EFNA2: variants seen among roughly 807,000 people sequenced by gnomAD.
The protein encoded by EFNA2 is ephrin A2, also known as ephrin-A2.
Under a neutral mutation model 19.7 loss-of-function variants are expected in EFNA2, and 18 were observed. The observed-to-expected ratio is 0.91, with a 90% CI of 0.63 to 1.35. The LOEUF is 1.35. Among genes scored for constraint, EFNA2 ranks in the 40% most tolerant of loss-of-function variants. EFNA2 has a pLI of 0.00. For synonymous variants in EFNA2, 187 were observed against 137.8 expected, an observed-to-expected ratio of 1.36 and a Z score of -2.50; for missense variants, 303 against 296.0, an observed-to-expected ratio of 1.02 and a Z score of -0.17.
rs565629502 is a variant in EFNA2, at chr19:1,287,662, C to A, written c.140+1354C>A. Among the ~76,000 whole-genome samples, 3 of 152,300 alleles carry A rather than the reference C, an allele frequency of 2.0e-5. No homozygotes were observed. The East Asian group carries it at 5.8e-4, about 29-fold the overall frequency. On this transcript the variant is annotated intron_variant, in intron 1 of 3. Transcript: ENST00000215368. The surrounding 1 kb of genome is among the most constrained non-coding windows in gnomAD (Gnocchi z 6.2). The stretch of plus-strand genomic sequence containing the variant: ...GCCCTGGGGGCTGAGGGCAGGGACC[C>A]CGGGCCGCTGGGGGACGGCTGGCCC...
In EFNA2 at chr19:1,295,832, G is replaced by C. The variant is rs1600059954; in HGVS notation, c.428G>C (p.Arg143Pro). 1.2e-6 allele frequency: 2 copies of C among 1,605,854 alleles called. No homozygotes were observed. Among genetic ancestry groups the C allele is most frequent in the Non-Finnish European group, 1.7e-6 (2 of 1,177,804 alleles). The change falls in exon 2 of 4, where the codon CGG becomes CCG. Residue 143 changes from arginine (R) to proline (P), a missense_variant. Physicochemically the swap from Arg to Pro is moderately radical, Grantham distance 103 (BLOSUM62 -2). Transcript: ENST00000215368. This position sits in a 1 kb window ranked among gnomAD's most constrained non-coding sequence, Gnocchi z 5.8. The part of the protein sequence containing the change: ...FTPFSLGFEF[R>P]PGHEYYYISA... Reference sequence around the variant, plus strand: ...CCCTTCTCCCTGGGCTTCGAGTTCCGGCCCGGCCACGAGTATTACTACATC... The same window carrying C: ...CCCTTCTCCCTGGGCTTCGAGTTCCCGCCCGGCCACGAGTATTACTACATC...
rs889548005 is a variant in EFNA2, at chr19:1,286,815, C to T, written c.140+507C>T. On this transcript the variant is annotated intron_variant, in intron 1 of 3. Coordinates refer to ENST00000215368, the MANE Select transcript of EFNA2 (RefSeq NM_001405.4). The surrounding 1 kb of genome is among the most constrained non-coding windows in gnomAD (Gnocchi z 5.6). Reference sequence around the variant, plus strand: ...GATGAACTTGGGGAAGTTGGAGTGTCCCTCCCTCAGGACCCAGCATCTGCT... The same window carrying T: ...GATGAACTTGGGGAAGTTGGAGTGTTCCTCCCTCAGGACCCAGCATCTGCT... Among the ~76,000 whole-genome samples, 23 of 152,210 alleles carry T rather than the reference C, an allele frequency of 1.5e-4. No individual in the cohort carries two copies. Among genetic ancestry groups the T allele is most frequent in the African/African-American group, 5.3e-4 (22 of 41,462 alleles).
chr19:1,285,768 A>T, upstream of EFNA2, among the ~76,000 whole-genome samples: 2 of 144,942 alleles, frequency 1.4e-5, no homozygotes, highest in Non-Finnish European at 3.1e-5. The surrounding 1 kb of genome is among the most constrained non-coding windows in gnomAD (Gnocchi z 4.1). Flanking sequence ...GGGCCGGGGC[A>T]GGGGGCGGGC....
chr19:1,289,992 G>T (rs865920555), intron 1 of EFNA2, among the ~76,000 whole-genome samples: 32 of 152,254 alleles, frequency 2.1e-4, no homozygotes, highest in African/African-American at 7.7e-4. Context: ...GGGGCCTGAG[G>T]GTGGGGTCCT....
chr19:1,295,710 C>T lies in EFNA2; in HGVS notation c.306C>T (p.Cys102=). 1 of 1,608,528 alleles carries T rather than the reference C, an allele frequency of 6.2e-7. No individual in the cohort carries two copies. The highest frequency in any genetic ancestry group is 1.3e-5 in the African/African-American group (1 of 74,730). Reference sequence around the variant, plus strand: ...TCAACGGCGAGGGCCACGCCTCCTGCGACCACCGCCAGCGCGGCTTCAAGC... The same window carrying T: ...TCAACGGCGAGGGCCACGCCTCCTGTGACCACCGCCAGCGCGGCTTCAAGC... ...YMVNGEGHAS[C]DHRQRGFKRW... The change falls in exon 2 of 4, where the codon TGC becomes TGT. Residue 102 remains cysteine (C), a synonymous_variant. Transcript: ENST00000215368. This position sits in a 1 kb window ranked among gnomAD's most constrained non-coding sequence, Gnocchi z 5.8.
chr19:1,286,222 G>A lies in EFNA2; in HGVS notation c.54G>A (p.Leu18=). Residue 18 remains leucine, a synonymous_variant, in exon 1 of 4, where the codon CTG becomes CTA. Coordinates refer to ENST00000215368, the MANE Select transcript of EFNA2 (RefSeq NM_001405.4). The surrounding 1 kb of genome is among the most constrained non-coding windows in gnomAD (Gnocchi z 5.6). ...LLPLLLLLLP[L]PPPPFARAED... is the part of the protein sequence containing the mutation. Reference sequence around the variant, plus strand: ...CGCTGCTGCTCCTGCTGTTACCGCTGCCGCCGCCGCCCTTCGCGCGCGCCG... The same window carrying A: ...CGCTGCTGCTCCTGCTGTTACCGCTACCGCCGCCGCCCTTCGCGCGCGCCG... The A allele has an allele frequency of 2.7e-6, 3 of 1,115,968 alleles. No individual in the cohort carries two copies. Among genetic ancestry groups the A allele is most frequent in the Admixed American group, 4.0e-5 (1 of 25,146 alleles). The allele number at this position is 1,115,968 out of a possible 1,614,324, so 69.1% of individuals were successfully genotyped here.
chr19:1,286,174 G>A lies in EFNA2; in HGVS notation c.6G>A (p.Ala2=). The part of the protein sequence containing the change: M[A]PAQRPLLPLL... ...GCGGCGGCCGGACCGGGGCCATGGC[G>A]CCCGCGCAGCGCCCGCTGCTCCCGC... Residue 2 remains alanine, a synonymous_variant, in exon 1 of 4, where the codon GCG becomes GCA. Transcript: ENST00000215368. This position sits in a 1 kb window ranked among gnomAD's most constrained non-coding sequence, Gnocchi z 5.6. The A allele has an allele frequency of 2.0e-6, 2 of 1,003,592 alleles. No homozygotes were observed. Among genetic ancestry groups the A allele is most frequent in the South Asian group, 3.7e-5 (1 of 26,858 alleles). 62.2% of individuals were successfully genotyped at this position (1,003,592 alleles called of 1,614,324 possible). A position where few individuals can be genotyped will look rare whatever the true frequency, so the allele number is the denominator to read the frequency against.
rs756792360 is a variant in EFNA2, at chr19:1,299,814, C to A, written c.521-10C>A. 3.9e-5 allele frequency: 62 copies of A among 1,594,968 alleles called. No homozygotes were observed. In the South Asian group the frequency reaches 6.7e-4, roughly 17 times the overall value. On this transcript the variant is annotated splice_polypyrimidine_tract_variant and intron_variant, in intron 3 of 3. Transcript: ENST00000215368. ...GCGGCCGCTGAGCGTGCTGTCTCTGCCACCCGCAGACGAGACCCTGTACGA... is the reference window on the plus strand; with the variant it reads ...GCGGCCGCTGAGCGTGCTGTCTCTGACACCCGCAGACGAGACCCTGTACGA...
In EFNA2 at chr19:1,286,996, A is replaced by G. The variant is rs2081468125; in HGVS notation, c.140+688A>G. ...GCAGAGGGGATGAGGAGCTGGCTCA[A>G]GGTCATGCAAGGGGGGGACTTGGGG... On this transcript the variant is annotated intron_variant, in intron 1 of 3. Transcript: ENST00000215368. The surrounding 1 kb of genome is among the most constrained non-coding windows in gnomAD (Gnocchi z 5.6). Among the ~76,000 whole-genome samples, 1 of 152,026 alleles carries G rather than the reference A, an allele frequency of 6.6e-6. No homozygotes were observed. Among genetic ancestry groups the G allele is most frequent in the African/African-American group, 2.4e-5 (1 of 41,390 alleles).
At position 1,294,986 on chromosome 19, in the gene EFNA2, C is replaced by T. The variant is rs547193734; in HGVS notation, c.141-559C>T. The stretch of plus-strand genomic sequence containing the variant: ...TGCAGAGGCCCGGAGTCAGGAACCC[C>T]CCGCCGGCCCTTTGCACACAGGGGT... On this transcript the variant is annotated intron_variant, in intron 1 of 3. Coordinates refer to ENST00000215368, the MANE Select transcript of EFNA2 (RefSeq NM_001405.4). This position sits in a 1 kb window ranked among gnomAD's most constrained non-coding sequence, Gnocchi z 5.8. 6.6e-6 allele frequency among the ~76,000 whole-genome samples: 1 copy of T among 152,206 alleles called. No homozygotes were observed. The highest frequency in any genetic ancestry group is 2.1e-4 in the South Asian group (1 of 4,826).
chr19:1,285,008 G>A (rs921182475), upstream of EFNA2, among the ~76,000 whole-genome samples: 3 of 152,246 alleles, frequency 2.0e-5, no homozygotes, highest in Non-Finnish European at 4.4e-5. The surrounding 1 kb of genome is among the most constrained non-coding windows in gnomAD (Gnocchi z 4.1). Flanking sequence ...AGCACTTTGG[G>A]AAGCCCAGGT....
At position 1,286,201 on chromosome 19, in the gene EFNA2, G is replaced by A; in HGVS notation, c.33G>A (p.Leu11=). The change falls in exon 1 of 4, where the codon CTG becomes CTA. Residue 11 remains leucine, a synonymous_variant. Coordinates refer to ENST00000215368, the MANE Select transcript of EFNA2 (RefSeq NM_001405.4). This position sits in a 1 kb window ranked among gnomAD's most constrained non-coding sequence, Gnocchi z 5.6. ...CCGCGCAGCGCCCGCTGCTCCCGCT[G>A]CTGCTCCTGCTGTTACCGCTGCCGC... MAPAQRPLLP[L]LLLLLPLPPP... 1.9e-6 allele frequency: 2 copies of A among 1,069,492 alleles called. No individual in the cohort carries two copies. The highest frequency in any genetic ancestry group is 1.1e-6 in the Non-Finnish European group (1 of 878,840). 66.3% of individuals were successfully genotyped at this position (1,069,492 alleles called of 1,614,324 possible). A position where few individuals can be genotyped will look rare whatever the true frequency, so the allele number is the denominator to read the frequency against.
rs1454531997 is a variant in EFNA2 at position 1,296,150 on chromosome 19, T to C, written c.454+292T>C. ...GATGGACGTGCCATTCTCCCAACCA[T>C]CCCGGGAGGCCAGGACTTTCCTCGT... is the stretch of plus-strand genomic sequence containing the variant. On this transcript the variant is annotated intron_variant, in intron 2 of 3. Coordinates refer to ENST00000215368, the MANE Select transcript of EFNA2 (RefSeq NM_001405.4). This position sits in a 1 kb window ranked among gnomAD's most constrained non-coding sequence, Gnocchi z 4.4. Among the ~76,000 whole-genome samples the C allele has an allele frequency of 6.6e-6, 1 of 152,114 alleles. No individual in the cohort carries two copies. Among genetic ancestry groups the C allele is most frequent in the Non-Finnish European group, 1.5e-5 (1 of 67,998 alleles).
In EFNA2 at chr19:1,286,358, C is replaced by CT; in HGVS notation, c.140+50_140+51insT. 1 of 958,784 alleles carries CT rather than the reference C, an allele frequency of 1.0e-6. No homozygotes were observed. The highest frequency in any genetic ancestry group is 1.2e-6 in the Non-Finnish European group (1 of 807,754). 59.4% of individuals were successfully genotyped at this position (958,784 alleles called of 1,614,324 possible). A position where few individuals can be genotyped will look rare whatever the true frequency, so the allele number is the denominator to read the frequency against. On this transcript the variant is annotated intron_variant, in intron 1 of 3. Coordinates refer to ENST00000215368, the MANE Select transcript of EFNA2 (RefSeq NM_001405.4). The surrounding 1 kb of genome is among the most constrained non-coding windows in gnomAD (Gnocchi z 5.6). ...CGCCCGGGGACCCCCCAACGCCCCC[C>CT]AAGCCGCGCCCGGCCTCGCGCCCCC...
chr19:1,286,389 T>C lies in EFNA2; in HGVS notation c.140+81T>C. On this transcript the variant is annotated intron_variant, in intron 1 of 3. Coordinates refer to ENST00000215368, the MANE Select transcript of EFNA2 (RefSeq NM_001405.4). The surrounding 1 kb of genome is among the most constrained non-coding windows in gnomAD (Gnocchi z 5.6). ...GCGCCCGGCCTCGCGCCCCCGGAGC[T>C]CCGGGCGCCCCCCACGCGCGCGCCG... 1.3e-5 allele frequency: 8 copies of C among 624,046 alleles called. No homozygotes were observed. The highest frequency in any genetic ancestry group is 1.6e-5 in the Non-Finnish European group (8 of 505,096). The allele number at this position is 624,046 out of a possible 1,614,324, so 38.7% of individuals were successfully genotyped here. A position where few individuals can be genotyped will look rare whatever the true frequency, so the allele number is the denominator to read the frequency against.
At position 1,300,241 on chromosome 19, in the gene EFNA2, ATTTTTTTTTTTTTT is replaced by A. The variant is rs58281257; in HGVS notation, c.*318_*331del. The A allele has an allele frequency of 7.7e-3, 330 of 42,702 alleles. 5 individuals are homozygous for A. The highest frequency in any genetic ancestry group is 0.024 in the Middle Eastern group (2 of 84). The allele number at this position is 42,702 out of a possible 1,614,324, so 2.6% of individuals were successfully genotyped here. On this transcript the variant is annotated 3_prime_UTR_variant, in exon 4 of 4. Transcript: ENST00000215368. ...CGGAGAACCCGGGAACCTCTTGGCG[ATTTTTTTTTTTTTT>A]TTTTTTTTTTTTTTTTTTTTTAGTG...
chr19:1,292,254 G>A (rs988278047), intron 1 of EFNA2, among the ~76,000 whole-genome samples: 1 of 152,244 alleles, frequency 6.6e-6, no homozygotes, highest in South Asian at 2.1e-4. Context: ...CAAGGCCGCT[G>A]CTATTTTAGA....
In EFNA2 at chr19:1,301,258, G is replaced by A. The variant is rs1414440684; in HGVS notation, c.*1313G>A. Among the ~76,000 whole-genome samples, 1 of 147,786 alleles carries A rather than the reference G, an allele frequency of 6.8e-6. No individual in the cohort carries two copies. The highest frequency in any genetic ancestry group is 1.5e-5 in the Non-Finnish European group (1 of 67,084). On this transcript the variant is annotated 3_prime_UTR_variant, in exon 4 of 4. Coordinates refer to ENST00000215368, the MANE Select transcript of EFNA2 (RefSeq NM_001405.4). ...AAATATATATTGTGTACGGCCGCCG[G>A]CCGGCGGCTCGAGGCACGCCCGGTG... is the stretch of plus-strand genomic sequence containing the variant.
rs745906165 is a variant in EFNA2, at chr19:1,294,919, GC to G, written c.141-625del. On this transcript the variant is annotated intron_variant, in intron 1 of 3. Transcript: ENST00000215368. The surrounding 1 kb of genome is among the most constrained non-coding windows in gnomAD (Gnocchi z 5.8). ...CAGATGTTAAGCATGTTAGGTAGAT[GC>G]GAAGTTTCTGGAGAGGGAATTCTTG... Among the ~76,000 whole-genome samples, 151 of 152,246 alleles carry G rather than the reference GC, an allele frequency of 9.9e-4. No individual in the cohort carries two copies. The highest frequency in any genetic ancestry group is 3.4e-3 in the Middle Eastern group (1 of 294).
Sources: gnomAD v4.1 joint callset for allele counts (sites outside exome capture counted in the v4.1 genomes callset) on GRCh38, gnomAD v4.1.1 for gene constraint, Gnocchi (gnomAD v3.1) non-coding constraint, MANE v1.5 for transcripts, NCBI Gene and HGNC (gene_info 2026-07-23, HGNC 2026-07-21) for gene names.